KLHL22: variants seen among roughly 807,000 people sequenced by gnomAD.
The protein encoded by KLHL22 is kelch like family member 22.
Under a neutral mutation model 60.7 loss-of-function variants are expected in KLHL22, and 18 were observed. The ratio of observed to expected loss-of-function variants is 0.30; its 90% CI spans 0.20 to 0.44. The LOEUF (loss-of-function observed/expected upper bound fraction) is 0.44. Among genes scored for constraint, KLHL22 ranks in the 20% least tolerant of loss-of-function variants. KLHL22 has a pLI of 1.00. For missense variants in KLHL22, 596 were observed against 852.3 expected, an observed-to-expected ratio of 0.70 and a Z score of 3.74; for synonymous variants, 355 against 354.5, an observed-to-expected ratio of 1.00 and a Z score of -0.01.
chr22:20,473,039 AGG>A (rs1449914897), intron 2 of KLHL22, among the ~76,000 whole-genome samples: 2 of 152,208 alleles, frequency 1.3e-5, no homozygotes, highest in Non-Finnish European at 2.9e-5. Context: ...CCCTACCTCT[AGG>A]GTAGGTACAG....
rs753918136 is a variant in KLHL22 at position 20,483,051 on chromosome 22, G to A, written c.227+5934C>T. 7.5e-5 allele frequency: 50 copies of A among 664,658 alleles called. 1 individual carries two copies. Among genetic ancestry groups the A allele is most frequent in the Non-Finnish European group, 1.2e-4 (44 of 364,106 alleles). The allele number at this position is 664,658 out of a possible 1,614,324, so 41.2% of individuals were successfully genotyped here. A position where few individuals can be genotyped will look rare whatever the true frequency, so the allele number is the denominator to read the frequency against. ...TAGGCCTGGCACTGTCCCTCTGCCCGGATTTGTGCCACCTCTGACTCCAGG... is the reference window on the plus strand; with the variant it reads ...TAGGCCTGGCACTGTCCCTCTGCCCAGATTTGTGCCACCTCTGACTCCAGG... On this transcript the variant is annotated intron_variant, in intron 2 of 6. Transcript: ENST00000328879.
Position 20,442,175 on chromosome 22 carries a change from C to A in KLHL22, c.1803G>T (p.Pro601=), listed in dbSNP as rs778964417. The change falls in exon 7 of 7, where the codon CCG becomes CCT. Residue 601 remains proline (P), a synonymous_variant. Coordinates refer to ENST00000328879, the MANE Select transcript of KLHL22 (RefSeq NM_032775.4). ...GGCTGCGGTCAGGGGTCCCGCGGGG[C>A]GGCTCAAGGAGCAGGGAGCGGGGCA... ...LTLPRSLLLE[P]PRGTPDRSQA... The A allele has an allele frequency of 1.9e-6, 3 of 1,563,432 alleles. No individual in the cohort carries two copies. Among genetic ancestry groups the A allele is most frequent in the African/African-American group, 1.4e-5 (1 of 73,482 alleles).
At chr22:20,490,707 T>G (rs989704244) in intron 1 of KLHL22, among the ~76,000 whole-genome samples, 7 of 152,232 alleles carry the variant, frequency 4.6e-5, no homozygotes, top group Non-Finnish European at 8.8e-5. Flanking sequence ...AGATTCTCTT[T>G]CGGAGCACAC....
chr22:20,485,969 T>A (rs555065251), intron 2 of KLHL22, among the ~76,000 whole-genome samples: 1 of 149,830 alleles, frequency 6.7e-6, no homozygotes, highest in Non-Finnish European at 1.5e-5. Context: ...GAGTTCGAGA[T>A]CAGCCTGGCC....
chr22:20,476,926 C>T (rs529446914), intron 2 of KLHL22, among the ~76,000 whole-genome samples: 5 of 149,960 alleles, frequency 3.3e-5, no homozygotes, highest in Admixed American at 2.0e-4. Flanking sequence ...AGACTGGTCT[C>T]GAACTCCTGA....
chr22:20,448,845 T>G (rs1357676276), intron 5 of KLHL22, among the ~76,000 whole-genome samples: 2 of 152,212 alleles, frequency 1.3e-5, no homozygotes, highest in African/African-American at 4.8e-5. Context: ...TCCATGAGCA[T>G]AGTTTCCCTG....
At chr22:20,449,705 C>T (rs1360887497) in intron 5 of KLHL22, among the ~76,000 whole-genome samples, 2 of 152,142 alleles carry the variant, frequency 1.3e-5, no homozygotes, top group African/African-American at 4.8e-5. Flanking sequence ...CACACCTGGC[C>T]GTTTATTGAG....
intron 2 of KLHL22, among the ~76,000 whole-genome samples, chr22:20,477,008 A>C (rs1195111786): frequency 6.6e-6 from 1 of 150,680 alleles, no homozygotes; most frequent in Non-Finnish European, 1.5e-5. Flanking sequence ...GTCTGGCCGG[A>C]CACAAACTTT....
chr22:20,451,475 G>A, intron 5 of KLHL22: 1 of 1,599,596 alleles, frequency 6.3e-7, no homozygotes, highest in Non-Finnish European at 8.6e-7. Context: ...ACAGGACACT[G>A]GACTAATGTT....
intron 1 of KLHL22, chr22:20,493,056 C>G: frequency 2.3e-6 from 1 of 432,162 alleles, no homozygotes; most frequent in South Asian, 1.7e-5. Context: ...TCATCACCAC[C>G]ATGACCACCG....
At chr22:20,483,888 C>T in intron 2 of KLHL22, 1 of 699,270 alleles carries the variant, frequency 1.4e-6, no homozygotes. Context: ...GCTTCCCATT[C>T]CTGCCAGATC....
chr22:20,471,143 C>CAG (rs1447631105), intron 3 of KLHL22, among the ~76,000 whole-genome samples: 1 of 152,204 alleles, frequency 6.6e-6, no homozygotes, highest in Non-Finnish European at 1.5e-5. Context: ...AGGGCAAAGG[C>CAG]AGAGGCCTGG....
At chr22:20,442,557 C>CT in intron 6 of KLHL22, 119 bp from the exon 7 acceptor site, 1 of 1,265,300 alleles carries the variant, frequency 7.9e-7, no homozygotes, top group Non-Finnish European at 1.1e-6. Context: ...GTCAGGCCCC[C>CT]TGGAAGGATG....
In KLHL22 at chr22:20,441,692, C is replaced by G. The variant is rs1384756485; in HGVS notation, c.*381G>C. The G allele has an allele frequency of 2.4e-5, 5 of 207,696 alleles. No individual in the cohort carries two copies. Among genetic ancestry groups the G allele is most frequent in the East Asian group, 2.5e-4 (2 of 8,066 alleles). 12.9% of individuals were successfully genotyped at this position (207,696 alleles called of 1,614,324 possible). On this transcript the variant is annotated 3_prime_UTR_variant, in exon 7 of 7. Coordinates refer to ENST00000328879, the MANE Select transcript of KLHL22 (RefSeq NM_032775.4). ...TCCAACCCCAGCTGCCCCCACAGCC[C>G]CACCCCATTCACAGAAAGAGGGCTA... is the stretch of plus-strand genomic sequence containing the variant.
intron 2 of KLHL22, among the ~76,000 whole-genome samples, chr22:20,484,423 T>G (rs1265520034): frequency 1.3e-5 from 2 of 152,042 alleles, no homozygotes; most frequent in Non-Finnish European, 2.9e-5. Flanking sequence ...CCCTCCTGAG[T>G]AGCTAGAATT....
At chr22:20,493,404 C>T (rs1374184460) in intron 1 of KLHL22, among the ~76,000 whole-genome samples, 1 of 152,226 alleles carries the variant, frequency 6.6e-6, no homozygotes, top group Admixed American at 6.5e-5. Context: ...CACATCTATA[C>T]GGTTTTAAAT....
At position 20,450,408 on chromosome 22, in the gene KLHL22, A is replaced by G. The variant is rs1266185573; in HGVS notation, c.1306-3732T>C. Reference sequence around the variant, plus strand: ...GACTTTGTGTACACGGAAACAGTACATGTGACATGGAGAATGTACAGGAAC... The same window carrying G: ...GACTTTGTGTACACGGAAACAGTACGTGTGACATGGAGAATGTACAGGAAC... On this transcript the variant is annotated intron_variant, in intron 5 of 6. Coordinates refer to ENST00000328879, the MANE Select transcript of KLHL22 (RefSeq NM_032775.4). 4 of 1,490,926 alleles carry G rather than the reference A, an allele frequency of 2.7e-6. No individual in the cohort carries two copies. In the African/African-American group the frequency reaches 5.5e-5, roughly 21 times the overall value. 92.4% of individuals were successfully genotyped at this position (1,490,926 alleles called of 1,614,324 possible). A position where few individuals can be genotyped will look rare whatever the true frequency, so the allele number is the denominator to read the frequency against.
At chr22:20,451,077 T>C (rs1327697151) in intron 5 of KLHL22, 26 of 1,458,618 alleles carry the variant, frequency 1.8e-5, no homozygotes, top group Non-Finnish European at 2.5e-5. Context: ...GTAAGAGATG[T>C]TATGTGGCCT....
chr22:20,447,147 T>C (rs1285221438), intron 5 of KLHL22, among the ~76,000 whole-genome samples: 2 of 152,218 alleles, frequency 1.3e-5, no homozygotes, highest in Non-Finnish European at 2.9e-5. Flanking sequence ...ACTCATGATG[T>C]GGGGAGAAAA....
Sources: gnomAD v4.1 joint callset for allele counts (sites outside exome capture counted in the v4.1 genomes callset) on GRCh38, gnomAD v4.1.1 for gene constraint, MANE v1.5 for transcripts, NCBI Gene and HGNC (gene_info 2026-07-23, HGNC 2026-07-21) for gene names.